SYN3: variants seen among roughly 807,000 people sequenced by gnomAD.
SYN3 encodes the protein synapsin-3.
In SYN3, 35 loss-of-function variants were observed where a neutral mutation model predicts 65.8. The ratio of observed to expected loss-of-function variants is 0.53; its 90% CI spans 0.41 to 0.70. The LOEUF is 0.70. Ranked by LOEUF, SYN3 falls within the 30% of genes least tolerant of loss-of-function variation. The pLI, the probability that SYN3 is intolerant of heterozygous loss-of-function variation, is 0.00. For missense variants in SYN3, 680 were observed against 749.0 expected, an observed-to-expected ratio of 0.91 and a Z score of 1.08; for synonymous variants, 270 against 292.9, an observed-to-expected ratio of 0.92 and a Z score of 0.80.
rs1341591658 is a variant in SYN3 at position 32,507,992 on chromosome 22, AC to A, written c.*5699del. Reference sequence around the variant, plus strand: ...ACATCGCCCATTCTCTCTCCATACCACCCCCCAAAAATTTTCGTCGCCCCAA... The same window carrying A: ...ACATCGCCCATTCTCTCTCCATACCACCCCCAAAAATTTTCGTCGCCCCAA... On this transcript the variant is annotated 3_prime_UTR_variant, in exon 14 of 14. Coordinates refer to ENST00000358763, the MANE Select transcript of SYN3 (RefSeq NM_003490.4). 6.7e-6 allele frequency among the ~76,000 whole-genome samples: 1 copy of A among 148,982 alleles called. No individual in the cohort carries two copies. The highest frequency in any genetic ancestry group is 2.5e-5 in the African/African-American group (1 of 40,298).
chr22:32,736,063 T>C lies in SYN3; in HGVS notation c.711+128852A>G, dbSNP rs974578216. On this transcript the variant is annotated intron_variant, in intron 6 of 13. Transcript: ENST00000358763. ...CATGTAGTTCAACCCTCTCATTTTA[T>C]TGTGTTTTTGTTTCTTAATTTTAAA... Among the ~76,000 whole-genome samples, 11 of 152,336 alleles carry C rather than the reference T, an allele frequency of 7.2e-5. No homozygotes were observed. The South Asian group carries it at 2.3e-3, about 32-fold the overall frequency.
chr22:32,678,605 CTTCT>C (rs991730519), intron 6 of SYN3, among the ~76,000 whole-genome samples: 18 of 151,326 alleles, frequency 1.2e-4, no homozygotes, highest in African/African-American at 3.4e-4. Flanking sequence ...CCTTCTTCTC[CTTCT>C]TTCTTCCTCT....
intron 7 of SYN3, among the ~76,000 whole-genome samples, chr22:32,580,415 T>C (rs1318492137): frequency 2.0e-5 from 3 of 152,224 alleles, no homozygotes; most frequent in East Asian, 1.9e-4. Flanking sequence ...TCTGTGACAG[T>C]AGATTGCTAT....
chr22:33,022,538 C>T (rs2053577363), intron 1 of SYN3, among the ~76,000 whole-genome samples: 1 of 152,206 alleles, frequency 6.6e-6, no homozygotes, highest in African/African-American at 2.4e-5. Context: ...CAAATCCACC[C>T]ACACAGGCCT....
chr22:32,852,106 A>T (rs1227090340), intron 6 of SYN3, among the ~76,000 whole-genome samples: 2 of 152,226 alleles, frequency 1.3e-5, no homozygotes, highest in Non-Finnish European at 2.9e-5. Flanking sequence ...ATAGATCAGT[A>T]CTTATACTAA....
chr22:32,590,338 G>C (rs918441461), intron 7 of SYN3, among the ~76,000 whole-genome samples: 1 of 152,158 alleles, frequency 6.6e-6, no homozygotes, highest in African/African-American at 2.4e-5. Context: ...TCACTAAATG[G>C]TGTGTTTGTG....
chr22:32,565,730 T>C (rs1421459636), intron 7 of SYN3, among the ~76,000 whole-genome samples: 1 of 136,084 alleles, frequency 7.3e-6, no homozygotes, highest in Non-Finnish European at 1.6e-5. Context: ...ATTTATTTAA[T>C]TTTTTTTTAC....
intron 6 of SYN3, among the ~76,000 whole-genome samples, chr22:32,679,139 G>A (rs1267423985): frequency 1.5e-5 from 2 of 131,222 alleles, no homozygotes; most frequent in East Asian, 2.5e-4. Context: ...TGCAACCTCC[G>A]CCTCCCAAAT....
At chr22:32,868,110 G>A (rs989293207) in intron 5 of SYN3, among the ~76,000 whole-genome samples, 2 of 152,194 alleles carry the variant, frequency 1.3e-5, no homozygotes, top group African/African-American at 4.8e-5. Flanking sequence ...CACTTCACAC[G>A]AGAGCGACAG....
intron 6 of SYN3, among the ~76,000 whole-genome samples, chr22:32,614,354 C>T (rs2059486329): frequency 6.6e-6 from 1 of 152,164 alleles, no homozygotes; most frequent in South Asian, 2.1e-4. Flanking sequence ...TGACTCTGAG[C>T]CCAAAGAGAG....
intron 4 of SYN3, among the ~76,000 whole-genome samples, chr22:32,890,072 CT>C (rs5845051): frequency 0.089 from 5,182 of 58,184 alleles, 114 homozygotes; most frequent in African/African-American, 0.2. Flanking sequence ...GATTTAGCTG[CT>C]TTTTTTTTTT....
At chr22:33,010,635 T>G (rs572538093) in intron 1 of SYN3, among the ~76,000 whole-genome samples, 2 of 152,346 alleles carry the variant, frequency 1.3e-5, no homozygotes, top group Non-Finnish European at 2.9e-5. Context: ...CAAGATTGTC[T>G]TAGATATCCT....
At chr22:32,927,179 T>G (rs1335143015) in intron 4 of SYN3, among the ~76,000 whole-genome samples, 2 of 152,214 alleles carry the variant, frequency 1.3e-5, no homozygotes, top group Non-Finnish European at 2.9e-5. Flanking sequence ...TGCTGTTATA[T>G]TGGGTGTAAA....
intron 2 of SYN3, among the ~76,000 whole-genome samples, chr22:33,002,266 G>A (rs1395488615): frequency 6.6e-6 from 1 of 152,214 alleles, no homozygotes; most frequent in Non-Finnish European, 1.5e-5. Flanking sequence ...GGCAATTTCT[G>A]AGCAGGAAGC....
intron 6 of SYN3, among the ~76,000 whole-genome samples, chr22:32,676,714 T>TTTA (rs1401559637): frequency 6.7e-6 from 1 of 149,398 alleles, no homozygotes; most frequent in Non-Finnish European, 1.5e-5. Flanking sequence ...TTTTTTGTTT[T>TTTA]TTTTTTTTTT....
At chr22:32,998,393 T>C (rs770625607) in intron 2 of SYN3, among the ~76,000 whole-genome samples, 6 of 152,140 alleles carry the variant, frequency 3.9e-5, no homozygotes, top group Non-Finnish European at 7.3e-5. Flanking sequence ...GGACACCCTT[T>C]TAATTTCTTA....
intron 6 of SYN3, among the ~76,000 whole-genome samples, chr22:32,770,625 C>T (rs187752795): frequency 1.3e-5 from 2 of 152,250 alleles, no homozygotes; most frequent in East Asian, 1.9e-4. Flanking sequence ...GTCTCTGCTT[C>T]GTTGGAGAGA....
intron 7 of SYN3, among the ~76,000 whole-genome samples, chr22:32,577,034 C>T (rs1395674707): frequency 2.0e-5 from 3 of 152,178 alleles, no homozygotes; most frequent in African/African-American, 7.2e-5. Context: ...ACTGGCTTCA[C>T]ATTAGCATCA....
At position 33,003,627 on chromosome 22, in the gene SYN3, C is replaced by G. The variant is rs1039517014; in HGVS notation, c.311+2725G>C. Among the ~76,000 whole-genome samples, 7 of 152,244 alleles carry G rather than the reference C, an allele frequency of 4.6e-5. 1 individual carries two copies. Among genetic ancestry groups the G allele is most frequent in the East Asian group, 3.9e-4 (2 of 5,186 alleles). On this transcript the variant is annotated intron_variant, in intron 2 of 13. Transcript: ENST00000358763. ...GTATCTGGCAGAAGAAATTTCTAAG[C>G]AGCAAAGCATTCAAGAGGAAGCAGA...
Sources: allele counts gnomAD v4.1 joint callset (sites outside exome capture counted in the v4.1 genomes callset), GRCh38; gene constraint gnomAD v4.1.1; transcripts MANE v1.5; gene names NCBI Gene and HGNC (gene_info 2026-07-23, HGNC 2026-07-21).